PPEF1: variants seen among roughly 807,000 people sequenced by gnomAD.
PPEF1 encodes serine/threonine-protein phosphatase with EF-hands 1.
A neutral mutation model predicts 53.3 loss-of-function variants in PPEF1; 12 were observed. That is an observed-to-expected ratio of 0.23 (90% CI 0.14 to 0.36). The LOEUF is 0.36. Ranked by LOEUF, PPEF1 falls within the 10% of genes least tolerant of loss-of-function variation. The probability of loss-of-function intolerance (pLI) is 1.00; values close to 1 mark genes in which losing one functional copy is unlikely to be tolerated. For missense variants in PPEF1, 334 were observed against 490.4 expected (o/e 0.68, Z 3.01); for synonymous variants, 165 against 176.7 (o/e 0.93, Z 0.52).
intron 3 of PPEF1, among the ~76,000 whole-genome samples, chrX:18,747,060 G>A (rs928877074): frequency 1.8e-5 from 2 of 111,248 alleles, no homozygotes; most frequent in African/African-American, 6.6e-5. Context: ...AACTGGGCAG[G>A]GGTTGCTGAG....
chrX:18,713,964 A>G (rs1415867084), intron 1 of PPEF1, among the ~76,000 whole-genome samples: 2 of 111,773 alleles, frequency 1.8e-5, no homozygotes, highest in Non-Finnish European at 3.8e-5. Flanking sequence ...ACCTTTTAAT[A>G]CTAATATAAA....
chrX:18,704,361 C>T (rs752352527), upstream of PPEF1, among the ~76,000 whole-genome samples: 3 of 111,472 alleles, frequency 2.7e-5, no homozygotes, highest in Non-Finnish European at 3.8e-5. Flanking sequence ...TCAAAGTTCT[C>T]GGCATGGTGC....
chrX:18,725,890 G>A (rs1304488757), intron 1 of PPEF1, among the ~76,000 whole-genome samples: 1 of 110,888 alleles, frequency 9.0e-6, no homozygotes, highest in Non-Finnish European at 1.9e-5. Context: ...CCCAGTGAAC[G>A]TATTGTGTGC....
At chrX:18,755,336 G>A (rs372715598) in intron 4 of PPEF1, among the ~76,000 whole-genome samples, 2 of 112,000 alleles carry the variant, frequency 1.8e-5, no homozygotes, top group East Asian at 5.6e-4. Flanking sequence ...GGAGGCCGAG[G>A]CAGGCAAATC....
chrX:18,824,654 T>C (rs2047130637), intron 14 of PPEF1, among the ~76,000 whole-genome samples: 1 of 110,583 alleles, frequency 9.0e-6, no homozygotes, highest in Admixed American at 9.7e-5. Flanking sequence ...AGGGGAGATA[T>C]GACATCCATG....
At chrX:18,796,661 G>C (rs1424818159) in intron 10 of PPEF1, among the ~76,000 whole-genome samples, 1 of 111,966 alleles carries the variant, frequency 8.9e-6, no homozygotes, top group Non-Finnish European at 1.9e-5. Flanking sequence ...ACTAAAATGT[G>C]ATTTCTGGTG....
At position 18,707,703 on chromosome X, in the gene PPEF1, T is replaced by C. The variant is rs2044230977; in HGVS notation, c.-78T>C. 1 of 974,659 alleles carries C rather than the reference T, an allele frequency of 1.0e-6. No individual in the cohort carries two copies. Among genetic ancestry groups the C allele is most frequent in the Non-Finnish European group, 1.5e-6 (1 of 684,700 alleles). The allele number at this position is 974,659 out of a possible 1,213,427, so 80.3% of individuals were successfully genotyped here. On this transcript the variant is annotated 5_prime_UTR_variant, in exon 1 of 16. Coordinates refer to ENST00000470157, the MANE Select transcript of PPEF1 (RefSeq NM_001377996.1). ...TCGGCTAAGAGTGGTTCCTCGCAGC[T>C]TAAAGGGAGGCACTTTTCACACTCT...
intron 6 of PPEF1, among the ~76,000 whole-genome samples, chrX:18,772,462 A>T (rs1199002369): frequency 9.0e-6 from 1 of 111,168 alleles, no homozygotes; most frequent in Non-Finnish European, 1.9e-5. Context: ...TATGTTAATC[A>T]TTTTTTTTGT....
At chrX:18,737,535 T>C (rs758277638) in intron 3 of PPEF1, among the ~76,000 whole-genome samples, 4 of 112,087 alleles carry the variant, frequency 3.6e-5, no homozygotes, top group Admixed American at 9.5e-5. Context: ...AGGAGTGCTT[T>C]ACTTCCAACT....
chrX:18,818,147 T>C lies in PPEF1; in HGVS notation c.1501+2T>C, dbSNP rs748418866. On this transcript the variant is annotated splice_donor_variant, in intron 13 of 15. Coordinates refer to ENST00000470157, the MANE Select transcript of PPEF1 (RefSeq NM_001377996.1). LOFTEE classifies it high-confidence loss of function. Reference sequence around the variant, plus strand: ...AACTTCAAGACCACAGAAAATCAGGTAACAAATTTGCATAACATTTACCAT... The same window carrying C: ...AACTTCAAGACCACAGAAAATCAGGCAACAAATTTGCATAACATTTACCAT... The C allele has an allele frequency of 1.0e-5, 12 of 1,158,961 alleles. No individual in the cohort carries two copies. The highest frequency in any genetic ancestry group is 1.4e-5 in the Non-Finnish European group (12 of 852,490).
intron 1 of PPEF1, among the ~76,000 whole-genome samples, chrX:18,727,527 A>T (rs1027043556): frequency 1.8e-5 from 2 of 110,559 alleles, no homozygotes; most frequent in African/African-American, 6.6e-5. Context: ...AACACAGAAG[A>T]CTTCTGTGAC....
chrX:18,711,966 G>T (rs1016459271), intron 1 of PPEF1, among the ~76,000 whole-genome samples: 2 of 111,158 alleles, frequency 1.8e-5, no homozygotes, highest in African/African-American at 6.6e-5. Flanking sequence ...TGTTGGCCAG[G>T]CTGGTCTGAA....
intron 6 of PPEF1, among the ~76,000 whole-genome samples, chrX:18,764,543 A>G (rs1380385699): frequency 9.0e-6 from 1 of 111,600 alleles, no homozygotes; most frequent in Non-Finnish European, 1.9e-5. Context: ...GGCTTCATTG[A>G]CCATGAAATG....
At position 18,825,786 on chromosome X, in the gene PPEF1, C is replaced by T; in HGVS notation, c.1701C>T (p.Tyr567=). Residue 567 remains tyrosine (Y), a synonymous_variant, in exon 15 of 16, where the codon TAC becomes TAT. Transcript: ENST00000470157. ...HSTLVETLYR[Y]RSDLEIIFNA... ...CTCTAGTTGAAACTCTGTACAGATA[C>T]AGATCTGACCTGGAAATCATATTTA... 1 of 1,203,311 alleles carries T rather than the reference C, an allele frequency of 8.3e-7. No homozygotes were observed. The highest frequency in any genetic ancestry group is 1.1e-6 in the Non-Finnish European group (1 of 891,179).
rs1415309794 is a variant in PPEF1 at position 18,742,257 on chromosome X, A to T, written c.236-7535A>T. On this transcript the variant is annotated intron_variant, in intron 3 of 15. Coordinates refer to ENST00000470157, the MANE Select transcript of PPEF1 (RefSeq NM_001377996.1). Reference sequence around the variant, plus strand: ...AGTTGTTTTCAGATTGGTGATTTAAATGGTGCTGCTATGTACATTCTTGTA... The same window carrying T: ...AGTTGTTTTCAGATTGGTGATTTAATTGGTGCTGCTATGTACATTCTTGTA... Among the ~76,000 whole-genome samples the T allele has an allele frequency of 6.2e-5, 7 of 112,187 alleles. No homozygotes were observed. The East Asian group carries it at 1.7e-3, about 27-fold the overall frequency.
chrX:18,759,207 A>G (rs941525539), intron 5 of PPEF1, among the ~76,000 whole-genome samples: 2 of 111,292 alleles, frequency 1.8e-5, no homozygotes, highest in African/African-American at 6.5e-5. Flanking sequence ...TGGTAGGGGG[A>G]AAAGACAAGG....
intron 3 of PPEF1, among the ~76,000 whole-genome samples, chrX:18,748,663 T>G (rs969372882): frequency 8.9e-6 from 1 of 112,341 alleles, no homozygotes; most frequent in African/African-American, 3.2e-5. Context: ...TTCACTCATG[T>G]GTCCAGAACA....
chrX:18,825,690 C>A, intron 14 of PPEF1, 61 bp from the exon 15 acceptor site: 1 of 729,616 alleles, frequency 1.4e-6, no homozygotes, highest in Non-Finnish European at 2.0e-6. Flanking sequence ...GTTACATTTG[C>A]TAAAAGCGAT....
At chrX:18,690,093 C>G (rs1250204857) in intron 3 of PPEF1, among the ~76,000 whole-genome samples, 3 of 111,735 alleles carry the variant, frequency 2.7e-5, no homozygotes, top group African/African-American at 9.8e-5. Flanking sequence ...ACTTCTCCTA[C>G]TAGCCTATAA....
Sources: gnomAD v4.1 joint callset for allele counts (sites outside exome capture counted in the v4.1 genomes callset) on GRCh38, gnomAD v4.1.1 for gene constraint, MANE v1.5 for transcripts, NCBI Gene and HGNC (gene_info 2026-07-23, HGNC 2026-07-21) for gene names.